Variants in ZNF544 observed in about 807,000 individuals in gnomAD.
ZNF544 encodes the protein zinc finger protein AF020591.
ZNF544 carries 10 observed loss-of-function variants against 13.5 expected under a neutral mutation model. That is an observed-to-expected ratio of 0.74 (90% CI 0.46 to 1.25). ZNF544 has a LOEUF of 1.25. Among genes scored for constraint, ZNF544 ranks in the 50% most tolerant of loss-of-function variants. The pLI is 0.00. For synonymous variants in ZNF544, 323 were observed against 300.5 expected, an observed-to-expected ratio of 1.07 and a Z score of -0.77; for missense variants, 896 against 845.6, an observed-to-expected ratio of 1.06 and a Z score of -0.74.
At chr19:58,260,025 G>A (rs1186580468) in intron 6 of ZNF544, among the ~76,000 whole-genome samples, 1 of 152,166 alleles carries the variant, frequency 6.6e-6, no homozygotes, top group Non-Finnish European at 1.5e-5. Context: ...AAGAGCCCAG[G>A]AGTTTGAGGC....
At chr19:58,255,177 A>G (rs1328457081) in intron 6 of ZNF544, among the ~76,000 whole-genome samples, 95 of 146,838 alleles carry the variant, frequency 6.5e-4, no homozygotes, top group African/African-American at 2.2e-3. Flanking sequence ...TGTGAGCCAC[A>G]GCGCCCAGCC....
intron 5 of ZNF544, among the ~76,000 whole-genome samples, chr19:58,270,542 C>T (rs966179723): frequency 5.3e-5 from 8 of 152,078 alleles, no homozygotes; most frequent in East Asian, 1.9e-4. Context: ...CCTTGTGATC[C>T]GCCCACCTTG....
In ZNF544 at chr19:58,263,357, A is replaced by C; in HGVS notation, c.*603A>C. The C allele has an allele frequency of 1.1e-6, 1 of 910,792 alleles. No individual in the cohort carries two copies. The highest frequency in any genetic ancestry group is 1.3e-6 in the Non-Finnish European group (1 of 762,024). 56.4% of individuals were successfully genotyped at this position (910,792 alleles called of 1,614,324 possible). A position where few individuals can be genotyped will look rare whatever the true frequency, so the allele number is the denominator to read the frequency against. ...ATACCTGTAGTCCTAGCTACTCAGG[A>C]GGCTGAGGTGGGAGGATCACTTGAG... On this transcript the variant is annotated 3_prime_UTR_variant, in exon 7 of 7. Coordinates refer to ENST00000687789, the MANE Select transcript of ZNF544 (RefSeq NM_014480.4).
chr19:58,275,590 C>T (rs966090603), intron 5 of ZNF544, among the ~76,000 whole-genome samples: 1 of 151,664 alleles, frequency 6.6e-6, no homozygotes, highest in Non-Finnish European at 1.5e-5. Flanking sequence ...GGATGGACTG[C>T]TTGAAATCAG....
chr19:58,250,902 A>G (rs1198265513), intron 6 of ZNF544, among the ~76,000 whole-genome samples: 1 of 152,148 alleles, frequency 6.6e-6, no homozygotes, highest in Non-Finnish European at 1.5e-5. Flanking sequence ...ACTGTCTTTG[A>G]GTTAAATGTA....
intron 3 of ZNF544, among the ~76,000 whole-genome samples, chr19:58,241,910 T>C (rs1006514924): frequency 6.9e-6 from 1 of 145,346 alleles, no homozygotes; most frequent in Admixed American, 7.2e-5. Context: ...AGCACTGAAT[T>C]TGCTGTTCAC....
chr19:58,230,719 G>A (rs1252924384), intron 3 of ZNF544, among the ~76,000 whole-genome samples: 1 of 152,182 alleles, frequency 6.6e-6, no homozygotes, highest in African/African-American at 2.4e-5. Flanking sequence ...TGGGCAAGAT[G>A]AGGAGGGGGA....
chr19:58,262,537 GC>G lies in ZNF544; in HGVS notation c.1932del (p.Ser645ProfsTer4). 1.2e-6 allele frequency: 2 copies of G among 1,614,230 alleles called. No individual in the cohort carries two copies. The highest frequency in any genetic ancestry group is 8.5e-7 in the Non-Finnish European group (1 of 1,180,032). On this transcript the variant is annotated frameshift_variant, in exon 7 of 7. Transcript: ENST00000687789. LOFTEE classifies it low-confidence loss of function (END_TRUNC). ...CNQCNKAFAR[S>X]SYLVMHQRTH... ...CAGTGCAATAAAGCCTTTGCAAGGA[GC>G]TCCTACCTTGTGATGCATCAGAGAA...
intron 6 of ZNF544, among the ~76,000 whole-genome samples, chr19:58,249,679 A>C (rs896161217): frequency 3.3e-5 from 5 of 152,140 alleles, no homozygotes; most frequent in Non-Finnish European, 7.3e-5. Context: ...GTTCGGCATA[A>C]AAACAGCATT....
In ZNF544 at chr19:58,261,941, C is replaced by G. The variant is rs374475436; in HGVS notation, c.1335C>G (p.Phe445Leu). 32 of 1,613,394 alleles carry G rather than the reference C, an allele frequency of 2.0e-5. No homozygotes were observed. The Middle Eastern group carries it at 6.6e-4, about 33-fold the overall frequency. Residue 445 changes from phenylalanine to leucine, a missense_variant, in exon 7 of 7, where the codon TTC becomes TTG. Coordinates refer to ENST00000687789, the MANE Select transcript of ZNF544 (RefSeq NM_014480.4). Reference protein sequence around the residue: ...PYQCIECRKSFRWNSNLIVHQ... With the variant: ...PYQCIECRKSLRWNSNLIVHQ... The stretch of plus-strand genomic sequence containing the variant: ...AGTGTATTGAATGCAGAAAATCCTT[C>G]AGGTGGAACTCTAACCTCATTGTAC...
intron 5 of ZNF544, among the ~76,000 whole-genome samples, chr19:58,275,973 C>G (rs1265536570): frequency 1.3e-5 from 2 of 151,842 alleles, no homozygotes; most frequent in Non-Finnish European, 2.9e-5. Context: ...TTGCTTTGAG[C>G]TCTGGAGTTC....
chr19:58,254,093 G>A (rs260449), intron 6 of ZNF544, among the ~76,000 whole-genome samples: 77,204 of 151,812 alleles, frequency 0.51, 19,843 homozygotes, highest in Middle Eastern at 0.62. Flanking sequence ...GCCTGGTGGC[G>A]GGCACCTGTA....
chr19:58,238,838 G>T (rs1311731559), intron 3 of ZNF544, among the ~76,000 whole-genome samples: 3 of 151,046 alleles, frequency 2.0e-5, no homozygotes. Context: ...TTAGGATATG[G>T]CCATCATTCA....
intron 3 of ZNF544, 68 bp from the exon 4 acceptor site, chr19:58,243,897 G>A: frequency 7.5e-7 from 1 of 1,328,914 alleles, no homozygotes; most frequent in African/African-American, 1.5e-5. Flanking sequence ...GCGTTCTCTA[G>A]GGTGGGTGTT....
downstream of ZNF544, chr19:58,264,115 C>T (rs2049524217): frequency 6.7e-6 from 1 of 148,724 alleles, no homozygotes; most frequent in Non-Finnish European, 1.5e-5. Flanking sequence ...AAATACAGGC[C>T]AGGCACAATG....
At position 58,262,279 on chromosome 19, in the gene ZNF544, G is replaced by C. The variant is rs140875370; in HGVS notation, c.1673G>C (p.Arg558Thr). 177 of 1,613,664 alleles carry C rather than the reference G, an allele frequency of 1.1e-4. No homozygotes were observed. In the African/African-American group the frequency reaches 1.9e-3, roughly 17 times the overall value. Residue 558 changes from arginine to threonine, a missense_variant, in exon 7 of 7, where the codon AGA (arginine) becomes ACA (threonine). Physicochemically the swap from Arg to Thr is moderately conservative, Grantham distance 71. Transcript: ENST00000687789. ...TGTATTGAATGTGGGAAATCCTTCAGATGGAACTCTAACCTCGTCATACAT... is the reference window on the plus strand; with the variant it reads ...TGTATTGAATGTGGGAAATCCTTCACATGGAACTCTAACCTCGTCATACAT... ...YQCIECGKSF[R>T]WNSNLVIHQR...
intron 3 of ZNF544, among the ~76,000 whole-genome samples, chr19:58,232,124 A>T (rs2041371032): frequency 6.6e-6 from 1 of 152,140 alleles, no homozygotes; most frequent in South Asian, 2.1e-4. Context: ...TTCTCACAGT[A>T]AATGTGATGG....
At chr19:58,231,279 G>GCT (rs752120808) in intron 3 of ZNF544, among the ~76,000 whole-genome samples, 143 of 152,280 alleles carry the variant, frequency 9.4e-4, no homozygotes, top group Non-Finnish European at 1.6e-3. Context: ...GAGCTATGGA[G>GCT]CTCCCACCTT....
intron 6 of ZNF544, chr19:58,258,618 G>C (rs1287033272): frequency 6.5e-6 from 1 of 154,860 alleles, no homozygotes; most frequent in East Asian, 1.9e-4. Context: ...GAGAGTGCTG[G>C]GTGTGAGGGC....
Sources: allele counts gnomAD v4.1 joint callset (sites outside exome capture counted in the v4.1 genomes callset), GRCh38; gene constraint gnomAD v4.1.1; transcripts MANE v1.5; gene names NCBI Gene and HGNC (gene_info 2026-07-23, HGNC 2026-07-21).